Variants in SGCZ observed in about 807,000 individuals in gnomAD.
SGCZ encodes the protein sarcoglycan zeta, also known as zeta-sarcoglycan.
A neutral mutation model predicts 41.3 loss-of-function variants in SGCZ; 40 were observed. The ratio of observed to expected loss-of-function variants is 0.97; its 90% CI spans 0.75 to 1.26. The LOEUF (loss-of-function observed/expected upper bound fraction) is 1.26, where lower values mean the gene tolerates loss of function less well. SGCZ is among the 50% of genes most tolerant of loss of function. The pLI is 0.00. For missense variants in SGCZ, 552 were observed against 369.8 expected (o/e 1.49, Z -4.04); for synonymous variants, 206 against 137.5 (o/e 1.50, Z -3.49).
chr8:14,787,046 T>C (rs1303190754), intron 1 of SGCZ, among the ~76,000 whole-genome samples: 10 of 152,124 alleles, frequency 6.6e-5, no homozygotes, highest in Admixed American at 5.9e-4. Context: ...AGTAACATCA[T>C]AATCTTGGGA....
At chr8:15,074,867 T>C (rs930596195) in intron 1 of SGCZ, among the ~76,000 whole-genome samples, 2 of 152,280 alleles carry the variant, frequency 1.3e-5, no homozygotes, top group African/African-American at 4.8e-5. Context: ...ACACTGACTC[T>C]ACTGTCTGGG....
chr8:15,007,811 T>A (rs1157986324), intron 1 of SGCZ, among the ~76,000 whole-genome samples: 2 of 152,214 alleles, frequency 1.3e-5, no homozygotes, highest in African/African-American at 4.8e-5. Context: ...CATTTATTAT[T>A]GTTATTACCT....
chr8:14,112,108 G>A (rs1802389200), intron 5 of SGCZ, among the ~76,000 whole-genome samples: 1 of 152,080 alleles, frequency 6.6e-6, no homozygotes, highest in South Asian at 2.1e-4. Flanking sequence ...GCACCAGAGA[G>A]AAAGCAAACA....
intron 1 of SGCZ, among the ~76,000 whole-genome samples, chr8:15,128,247 A>C (rs908566436): frequency 1.3e-5 from 2 of 152,124 alleles, no homozygotes; most frequent in African/African-American, 4.8e-5. Context: ...GTGTTAATTC[A>C]GCTCCCGGTG....
chr8:15,235,628 G>C (rs903991931), intron 1 of SGCZ, among the ~76,000 whole-genome samples: 1 of 152,116 alleles, frequency 6.6e-6, no homozygotes, highest in African/African-American at 2.4e-5. Flanking sequence ...ACTAATTCTA[G>C]ACATAAGTTT....
intron 1 of SGCZ, among the ~76,000 whole-genome samples, chr8:14,783,279 CA>C (rs1800646496): frequency 6.6e-6 from 1 of 151,932 alleles, no homozygotes. Context: ...ACTGAAGATA[CA>C]AAAATTAACT....
At chr8:14,762,047 G>C (rs914573722) in intron 1 of SGCZ, among the ~76,000 whole-genome samples, 1 of 152,146 alleles carries the variant, frequency 6.6e-6, no homozygotes, top group African/African-American at 2.4e-5. Flanking sequence ...TGTTGTGAAT[G>C]AATAGCAAAT....
intron 2 of SGCZ, among the ~76,000 whole-genome samples, chr8:14,540,531 G>C (rs1483399967): frequency 6.7e-6 from 1 of 150,272 alleles, no homozygotes; most frequent in East Asian, 2.0e-4. Flanking sequence ...CCAGATTTTG[G>C]GGGTTGTTTC....
Position 14,517,580 on chromosome 8 carries a change from A to G in SGCZ, c.234+37152T>C, listed in dbSNP as rs1325532204. 2.0e-5 allele frequency among the ~76,000 whole-genome samples: 3 copies of G among 152,064 alleles called. No individual in the cohort carries two copies. The East Asian group carries it at 5.8e-4, about 29-fold the overall frequency. On this transcript the variant is annotated intron_variant, in intron 2 of 7. Transcript: ENST00000382080. ...AGTTTTCTTATATGCCAGATAAATT[A>G]AGAAGCTTTATATTTTTTATAGAGT...
At chr8:15,172,143 T>G (rs1375858478) in intron 1 of SGCZ, among the ~76,000 whole-genome samples, 1 of 142,776 alleles carries the variant, frequency 7.0e-6, no homozygotes, top group African/African-American at 2.5e-5. Context: ...AAAAAATGCC[T>G]TTTATACTCT....
At chr8:14,092,474 A>G (rs543844201) in intron 7 of SGCZ, among the ~76,000 whole-genome samples, 2 of 152,084 alleles carry the variant, frequency 1.3e-5, no homozygotes, top group East Asian at 3.9e-4. Flanking sequence ...CAAAGGATAT[A>G]CTAAGTAGCT....
intron 3 of SGCZ, among the ~76,000 whole-genome samples, chr8:14,238,253 G>C (rs1356565634): frequency 1.3e-5 from 2 of 152,144 alleles, no homozygotes; most frequent in East Asian, 3.9e-4. Flanking sequence ...CAAAAGGAAA[G>C]ATCCAGGGAC....
intron 1 of SGCZ, among the ~76,000 whole-genome samples, chr8:14,697,033 G>C (rs1220156190): frequency 6.6e-6 from 1 of 152,014 alleles, no homozygotes; most frequent in South Asian, 2.1e-4. Context: ...GAAACAGAGA[G>C]CTACAGGATT....
intron 1 of SGCZ, among the ~76,000 whole-genome samples, chr8:14,738,214 T>C (rs1011489510): frequency 1.3e-5 from 2 of 152,070 alleles, no homozygotes; most frequent in African/African-American, 4.8e-5. Context: ...CCATCATTTA[T>C]CTTCTTTCTA....
At chr8:14,391,869 T>A (rs1307256234) in intron 2 of SGCZ, among the ~76,000 whole-genome samples, 1 of 152,104 alleles carries the variant, frequency 6.6e-6, no homozygotes, top group African/African-American at 2.4e-5. Flanking sequence ...CTGGTTGTTT[T>A]TAAGTTGTTT....
intron 1 of SGCZ, among the ~76,000 whole-genome samples, chr8:14,591,119 C>T (rs1805227058): frequency 6.6e-6 from 1 of 151,294 alleles, no homozygotes; most frequent in African/African-American, 2.4e-5. Context: ...AAATCTTATT[C>T]ACTATTCAAT....
Position 14,632,641 on chromosome 8 carries a change from C to T in SGCZ, c.40-77715G>A, listed in dbSNP as rs1330195185. ...ATACTTTTCAGATCTGTGATTAACA[C>T]TTTAAATATAACAACAGACTGCCAT... On this transcript the variant is annotated intron_variant, in intron 1 of 7. Transcript: ENST00000382080. Among the ~76,000 whole-genome samples the T allele has an allele frequency of 9.2e-5, 14 of 152,138 alleles. No individual in the cohort carries two copies. In the East Asian group the frequency reaches 2.7e-3, roughly 29 times the overall value.
At chr8:14,619,886 A>G (rs945684772) in intron 1 of SGCZ, among the ~76,000 whole-genome samples, 3 of 152,204 alleles carry the variant, frequency 2.0e-5, no homozygotes. Context: ...TATAGATTCA[A>G]TGCCATCCCA....
chr8:14,092,787 T>G (rs1456180342), intron 7 of SGCZ, among the ~76,000 whole-genome samples: 1 of 152,066 alleles, frequency 6.6e-6, no homozygotes, highest in Non-Finnish European at 1.5e-5. Context: ...ATTGTCTTTT[T>G]CTTTATAAAT....
Sources: gnomAD v4.1 joint callset for allele counts (sites outside exome capture counted in the v4.1 genomes callset) on GRCh38, gnomAD v4.1.1 for gene constraint, MANE v1.5 for transcripts, NCBI Gene and HGNC (gene_info 2026-07-23, HGNC 2026-07-21) for gene names.